GUCY1A2: variants seen among roughly 807,000 people sequenced by gnomAD.
The protein encoded by GUCY1A2 is guanylate cyclase 1 soluble subunit alpha 2, also known as guanylate cyclase soluble subunit alpha-2.
Under a neutral mutation model 63.5 loss-of-function variants are expected in GUCY1A2, and 27 were observed. That is an observed-to-expected ratio of 0.43 (90% confidence interval 0.31 to 0.59). The LOEUF (loss-of-function observed/expected upper bound fraction) is 0.59, where lower values mean the gene tolerates loss of function less well. Ranked by LOEUF, GUCY1A2 falls within the 20% of genes least tolerant of loss-of-function variation. The pLI is 0.11. For missense variants in GUCY1A2, 768 were observed against 913.3 expected (o/e 0.84, Z 2.05); for synonymous variants, 364 against 343.5 (o/e 1.06, Z -0.66).
intron 6 of GUCY1A2, among the ~76,000 whole-genome samples, chr11:106,749,951 A>G (rs1424632893): frequency 6.6e-6 from 1 of 152,118 alleles, no homozygotes; most frequent in African/African-American, 2.4e-5. Flanking sequence ...CTATGTATAC[A>G]TAGGAGAGAG....
intron 3 of GUCY1A2, among the ~76,000 whole-genome samples, chr11:106,943,962 T>C (rs943811301): frequency 6.6e-6 from 1 of 151,932 alleles, no homozygotes; most frequent in Non-Finnish European, 1.5e-5. Flanking sequence ...ACCTAGCACT[T>C]TGGGAGGCCA....
intron 6 of GUCY1A2, among the ~76,000 whole-genome samples, chr11:106,727,620 G>GA (rs1238815381): frequency 6.6e-6 from 1 of 151,810 alleles, no homozygotes; most frequent in Non-Finnish European, 1.5e-5. Context: ...AGAATTCAGT[G>GA]AAAAAAGATA....
Position 106,952,138 on chromosome 11 carries a change from T to C in GUCY1A2, c.488-11960A>G, listed in dbSNP as rs533405266. ...CAGTACCATGCTATTTTGGTTACTG[T>C]AGCCTCGTAGTATACTTTGAAGTCA... On this transcript the variant is annotated intron_variant, in intron 3 of 7. Coordinates refer to ENST00000526355, the MANE Select transcript of GUCY1A2 (RefSeq NM_000855.3). Among the ~76,000 whole-genome samples the C allele has an allele frequency of 9.8e-5, 15 of 152,336 alleles. No individual in the cohort carries two copies. The East Asian group carries it at 2.9e-3, about 29-fold the overall frequency.
At position 106,784,431 on chromosome 11, in the gene GUCY1A2, C is replaced by G. The variant is rs529716292; in HGVS notation, c.1693-7849G>C. On this transcript the variant is annotated intron_variant, in intron 5 of 7. Transcript: ENST00000526355. ...TGGGGTAGCCTGAAAATTGCCATAC[C>G]TCGGTCTCCCTAGCTCTAGAGGAGG... Among the ~76,000 whole-genome samples the G allele has an allele frequency of 4.6e-5, 7 of 152,090 alleles. No homozygotes were observed. The South Asian group carries it at 1.5e-3, about 32-fold the overall frequency.
chr11:106,711,938 A>G (rs1471279729), intron 6 of GUCY1A2, among the ~76,000 whole-genome samples: 3 of 151,932 alleles, frequency 2.0e-5, no homozygotes, highest in African/African-American at 2.4e-5. Context: ...TATATATAAC[A>G]TATCTTTTAC....
In GUCY1A2 at chr11:106,804,993, T is replaced by G. The variant is rs374387776; in HGVS notation, c.1692+5000A>C. Among the ~76,000 whole-genome samples the G allele has an allele frequency of 7.2e-5, 11 of 152,292 alleles. No individual in the cohort carries two copies. The South Asian group carries it at 1.0e-3, about 14-fold the overall frequency. Reference sequence around the variant, plus strand: ...AACTCTGCTTTTCCAGCTAGGCTTATAATACTTACATTTCCTTGCCAATAT... The same window carrying G: ...AACTCTGCTTTTCCAGCTAGGCTTAGAATACTTACATTTCCTTGCCAATAT... On this transcript the variant is annotated intron_variant, in intron 5 of 7. Coordinates refer to ENST00000526355, the MANE Select transcript of GUCY1A2 (RefSeq NM_000855.3).
At chr11:106,924,874 G>A (rs1276567361) in intron 4 of GUCY1A2, among the ~76,000 whole-genome samples, 2 of 151,980 alleles carry the variant, frequency 1.3e-5, no homozygotes, top group African/African-American at 2.4e-5. Context: ...GCATGGTGGT[G>A]CGTACCTGTA....
intron 5 of GUCY1A2, among the ~76,000 whole-genome samples, chr11:106,777,906 CATATAATT>C (rs1457945284): frequency 6.6e-6 from 1 of 152,132 alleles, no homozygotes; most frequent in Non-Finnish European, 1.5e-5. Context: ...CATCCATAAC[CATATAATT>C]GAGAGTTAAC....
chr11:106,836,039 T>C (rs181424180), intron 4 of GUCY1A2, among the ~76,000 whole-genome samples: 2 of 151,978 alleles, frequency 1.3e-5, no homozygotes, highest in Non-Finnish European at 2.9e-5. Flanking sequence ...ATTCTTTGTA[T>C]TGAGTGAGTT....
chr11:106,810,226 T>A lies in GUCY1A2; in HGVS notation c.1459A>T (p.Lys487Ter). The stretch of plus-strand genomic sequence containing the variant: ...TATAGAAGATCCACTGTCTTCTTTT[T>A]CTCTTCTTCCAGGGCCTGGTGAGTT... ...ERTHQALEEE[K>*]KKTVDLLYSI... is the part of the protein sequence containing the mutation. The change falls in exon 5 of 8, where the codon AAA (lysine) becomes TAA (stop). Residue 487 changes from lysine to a stop codon, truncating the protein, a stop_gained. Coordinates refer to ENST00000526355, the MANE Select transcript of GUCY1A2 (RefSeq NM_000855.3). LOFTEE classifies it high-confidence loss of function. The A allele has an allele frequency of 6.2e-7, 1 of 1,613,996 alleles. No individual in the cohort carries two copies. Among genetic ancestry groups the A allele is most frequent in the Non-Finnish European group, 8.5e-7 (1 of 1,179,924 alleles).
intron 4 of GUCY1A2, among the ~76,000 whole-genome samples, chr11:106,867,759 G>A (rs576671068): frequency 3.3e-5 from 5 of 151,930 alleles, no homozygotes; most frequent in Non-Finnish European, 5.9e-5. Context: ...TCACTGAATC[G>A]TTGATTTTAT....
intron 6 of GUCY1A2, among the ~76,000 whole-genome samples, chr11:106,736,270 A>G (rs1863588111): frequency 6.6e-6 from 1 of 152,132 alleles, no homozygotes; most frequent in Non-Finnish European, 1.5e-5. Flanking sequence ...TTTGAGGTCT[A>G]AGAATTTAAA....
intron 6 of GUCY1A2, among the ~76,000 whole-genome samples, chr11:106,748,931 G>A (rs940241542): frequency 2.6e-5 from 4 of 151,980 alleles, no homozygotes; most frequent in Non-Finnish European, 5.9e-5. Context: ...ATAAATTTTT[G>A]TCTCTGTATG....
At chr11:106,765,096 T>C (rs912280326) in intron 6 of GUCY1A2, among the ~76,000 whole-genome samples, 1 of 151,988 alleles carries the variant, frequency 6.6e-6, no homozygotes, top group East Asian at 1.9e-4. Context: ...CCAATGTCTT[T>C]TTTTATCTTT....
At chr11:106,748,261 A>C (rs906693275) in intron 6 of GUCY1A2, among the ~76,000 whole-genome samples, 3 of 147,506 alleles carry the variant, frequency 2.0e-5, no homozygotes, top group African/African-American at 7.8e-5. Flanking sequence ...TGAAAAGAGA[A>C]AAGAAGCTTA....
intron 4 of GUCY1A2, among the ~76,000 whole-genome samples, chr11:106,859,186 C>T (rs1859475637): frequency 6.6e-6 from 1 of 151,898 alleles, no homozygotes; most frequent in South Asian, 2.1e-4. Flanking sequence ...ATCTACAATT[C>T]AATTAACAGG....
intron 3 of GUCY1A2, among the ~76,000 whole-genome samples, chr11:106,954,182 T>A (rs941999568): frequency 6.6e-6 from 1 of 152,214 alleles, no homozygotes; most frequent in Non-Finnish European, 1.5e-5. Context: ...AACACTGTTT[T>A]AGCTATGTTC....
intron 5 of GUCY1A2, among the ~76,000 whole-genome samples, chr11:106,778,105 C>T (rs992977906): frequency 1.3e-5 from 2 of 152,126 alleles, no homozygotes; most frequent in Non-Finnish European, 2.9e-5. Flanking sequence ...TAATTATCCA[C>T]AATAGAGATG....
chr11:106,676,727 A>C lies in GUCY1A2; in HGVS notation c.*10822T>G, dbSNP rs1337581195. The C allele has an allele frequency of 5.2e-6, 1 of 192,766 alleles. No homozygotes were observed. The highest frequency in any genetic ancestry group is 1.1e-5 in the Non-Finnish European group (1 of 92,364). The allele number at this position is 192,766 out of a possible 1,614,324, so 11.9% of individuals were successfully genotyped here. On this transcript the variant is annotated 3_prime_UTR_variant, in exon 8 of 8. Transcript: ENST00000526355. ...TATTGGGAGTAGTTTTCAGAAAGCA[A>C]TTTCCCTACAAACAGAAAAAGCATT...
Sources: gnomAD v4.1 joint callset for allele counts (sites outside exome capture counted in the v4.1 genomes callset) on GRCh38, gnomAD v4.1.1 for gene constraint, MANE v1.5 for transcripts, NCBI Gene and HGNC (gene_info 2026-07-23, HGNC 2026-07-21) for gene names.